The following TRPM3 variants were observed in gnomAD, a reference collection of about 807,000 sequenced individuals.
The protein encoded by TRPM3 is long transient receptor potential channel 3.
In TRPM3, 77 loss-of-function variants were observed where a neutral mutation model predicts 181.2. The ratio of observed to expected loss-of-function variants is 0.42; its 90% CI spans 0.35 to 0.51. The LOEUF is 0.51. Ranked by LOEUF, TRPM3 falls within the 20% of genes least tolerant of loss-of-function variation. TRPM3 has a pLI of 0.01. For missense variants in TRPM3, 1,759 were observed against 2,196.7 expected (o/e 0.80, Z 3.98); for synonymous variants, 745 against 796.4 (o/e 0.94, Z 1.09).
At chr9:70,956,961 CTT>C (rs747544684) in intron 1 of TRPM3, among the ~76,000 whole-genome samples, 13 of 137,390 alleles carry the variant, frequency 9.5e-5, no homozygotes, top group Non-Finnish European at 7.8e-5. Context: ...TTCTTTCTTT[CTT>C]TTTTTTTTTT....
At chr9:71,409,548 C>T (rs2093502799) in intron 1 of TRPM3, among the ~76,000 whole-genome samples, 1 of 151,898 alleles carries the variant, frequency 6.6e-6, no homozygotes, top group African/African-American at 2.4e-5. Flanking sequence ...ATCAATTCAA[C>T]AAGTGCTAAC....
intron 22 of TRPM3, among the ~76,000 whole-genome samples, chr9:70,585,286 C>T (rs532855318): frequency 6.6e-6 from 1 of 152,148 alleles, no homozygotes; most frequent in South Asian, 2.1e-4. Context: ...TTTTCTCTTG[C>T]ATTTGACACC....
At chr9:70,654,958 C>T (rs1031528451) in intron 9 of TRPM3, among the ~76,000 whole-genome samples, 5 of 150,698 alleles carry the variant, frequency 3.3e-5, no homozygotes, top group African/African-American at 9.7e-5. Flanking sequence ...GCTGGGATTA[C>T]AGGCGTGAAG....
intron 24 of TRPM3, among the ~76,000 whole-genome samples, chr9:70,551,528 G>A (rs1282758890): frequency 6.6e-6 from 1 of 152,166 alleles, no homozygotes; most frequent in African/African-American, 2.4e-5. Flanking sequence ...TCTTTGAGGG[G>A]GTGGGCACTG....
intron 1 of TRPM3, among the ~76,000 whole-genome samples, chr9:70,969,574 A>G (rs2097218333): frequency 6.6e-6 from 1 of 151,638 alleles, no homozygotes; most frequent in African/African-American, 2.4e-5. Flanking sequence ...CAAAGAGTTT[A>G]ACTTCTTAGG....
chr9:70,991,993 T>C lies in TRPM3; in HGVS notation c.178-127482A>G, dbSNP rs537782641. On this transcript the variant is annotated intron_variant, in intron 1 of 25. Coordinates refer to ENST00000677713, the MANE Select transcript of TRPM3 (RefSeq NM_001366145.2). ...GCCCAGCTCCAGGTAGCCTCCCTCT[T>C]GACACTCTGTCTGACATACTGGGTC... Among the ~76,000 whole-genome samples, 13 of 152,336 alleles carry C rather than the reference T, an allele frequency of 8.5e-5. No homozygotes were observed. The East Asian group carries it at 2.3e-3, about 27-fold the overall frequency.
intron 1 of TRPM3, among the ~76,000 whole-genome samples, chr9:71,424,355 C>T (rs1332160195): frequency 6.6e-6 from 1 of 151,876 alleles, no homozygotes. Flanking sequence ...ATTTTTTTTC[C>T]ACTAAAACGT....
intron 1 of TRPM3, among the ~76,000 whole-genome samples, chr9:71,377,129 C>A (rs558430763): frequency 3.4e-4 from 52 of 152,016 alleles, no homozygotes; most frequent in African/African-American, 1.2e-3. Flanking sequence ...TTGGAGATGC[C>A]GAATTATTTG....
intron 1 of TRPM3, among the ~76,000 whole-genome samples, chr9:71,076,196 G>A (rs1052418619): frequency 3.3e-5 from 5 of 152,104 alleles, no homozygotes; most frequent in African/African-American, 7.2e-5. Flanking sequence ...TTTGCAAGAC[G>A]GCTGTTTGTT....
chr9:71,273,675 T>G (rs2083972943), intron 1 of TRPM3, among the ~76,000 whole-genome samples: 1 of 152,244 alleles, frequency 6.6e-6, no homozygotes, highest in South Asian at 2.1e-4. Context: ...ATTACACTTG[T>G]GTCTATAATC....
chr9:71,231,180 T>C (rs1003879541), intron 1 of TRPM3, among the ~76,000 whole-genome samples: 3 of 152,188 alleles, frequency 2.0e-5, no homozygotes, highest in Non-Finnish European at 4.4e-5. Flanking sequence ...CAAAAAGGAC[T>C]TTACGGTTGA....
intron 3 of TRPM3, 84 bp from the exon 4 acceptor site, chr9:70,846,675 T>A: frequency 1.8e-6 from 2 of 1,130,062 alleles, no homozygotes; most frequent in Non-Finnish European, 2.6e-6. Flanking sequence ...ATTATATGTG[T>A]AGTTATGTGA....
upstream of TRPM3, among the ~76,000 whole-genome samples, chr9:71,122,067 G>C (rs917609188): frequency 6.6e-6 from 1 of 152,180 alleles, no homozygotes; most frequent in African/African-American, 2.4e-5. Context: ...ATACAAAGCA[G>C]TTTAAACTCA....
intron 1 of TRPM3, among the ~76,000 whole-genome samples, chr9:71,283,483 C>T (rs756061878): frequency 1.3e-5 from 2 of 151,018 alleles, no homozygotes; most frequent in African/African-American, 4.9e-5. Context: ...TTTTTTTTTT[C>T]TTAGTAGAGA....
At chr9:71,074,443 T>G (rs555501049) in intron 1 of TRPM3, among the ~76,000 whole-genome samples, 3 of 152,308 alleles carry the variant, frequency 2.0e-5, no homozygotes, top group South Asian at 2.1e-4. Flanking sequence ...TGGGCCCTAT[T>G]ATGTTAATGG....
chr9:71,073,414 C>T (rs1389735084), intron 1 of TRPM3, among the ~76,000 whole-genome samples: 1 of 152,176 alleles, frequency 6.6e-6, no homozygotes, highest in Non-Finnish European at 1.5e-5. Flanking sequence ...CAAAGAAAAA[C>T]ATATTGTATC....
chr9:70,643,376 C>T (rs1283226996), intron 9 of TRPM3, among the ~76,000 whole-genome samples: 1 of 152,060 alleles, frequency 6.6e-6, no homozygotes, highest in Non-Finnish European at 1.5e-5. Context: ...TAGTATGTCA[C>T]CCAAGTCAAT....
chr9:71,332,075 C>G (rs1281630651), intron 1 of TRPM3, among the ~76,000 whole-genome samples: 1 of 150,846 alleles, frequency 6.6e-6, no homozygotes, highest in African/African-American at 2.4e-5. Context: ...ATAGAAAATT[C>G]TGGTTAATTG....
At chr9:71,419,334 A>T (rs900617751) in intron 1 of TRPM3, among the ~76,000 whole-genome samples, 1 of 151,992 alleles carries the variant, frequency 6.6e-6, no homozygotes, top group Non-Finnish European at 1.5e-5. Context: ...TGAAGAAAAC[A>T]AATGGCTGTT....
Sources: gnomAD v4.1 joint callset for allele counts (sites outside exome capture counted in the v4.1 genomes callset) on GRCh38, gnomAD v4.1.1 for gene constraint, MANE v1.5 for transcripts, NCBI Gene and HGNC (gene_info 2026-07-23, HGNC 2026-07-21) for gene names.